RAD23B: variants seen among roughly 807,000 people sequenced by gnomAD.
RAD23B encodes RAD23 nucleotide excision repair protein B.
A neutral mutation model predicts 49.1 loss-of-function variants in RAD23B; 5 were observed. The ratio of observed to expected loss-of-function variants is 0.10; its 90% confidence interval spans 0.05 to 0.21. The LOEUF (loss-of-function observed/expected upper bound fraction) is 0.21. RAD23B is among the 10% of genes least tolerant of loss of function. The probability of loss-of-function intolerance (pLI) is 1.00; values close to 1 mark genes in which losing one functional copy is unlikely to be tolerated. For missense variants in RAD23B, 356 were observed against 486.7 expected, an observed-to-expected ratio of 0.73 and a Z score of 2.53; for synonymous variants, 184 against 165.4, an observed-to-expected ratio of 1.11 and a Z score of -0.86.
rs1341679615 is a variant in RAD23B, at chr9:107,318,351, T to C, written c.554-401T>C. On this transcript the variant is annotated intron_variant, in intron 5 of 9. Transcript: ENST00000358015. This position sits in a 1 kb window ranked among gnomAD's most constrained non-coding sequence, Gnocchi z 4.3. ...TCTTCAAAGGCAACAGCATAACATC[T>C]CTCATCCTGGTTTTGTCTCCTCCTC... is the stretch of plus-strand genomic sequence containing the variant. Among the ~76,000 whole-genome samples the C allele has an allele frequency of 6.6e-6, 1 of 152,122 alleles. No individual in the cohort carries two copies. The highest frequency in any genetic ancestry group is 2.4e-5 in the African/African-American group (1 of 41,424).
Position 107,318,727 on chromosome 9 carries a change from T to C in RAD23B, c.554-25T>C, listed in dbSNP as rs759389090. 2.5e-6 allele frequency: 4 copies of C among 1,592,224 alleles called. No homozygotes were observed. Among genetic ancestry groups the C allele is most frequent in the Admixed American group, 3.5e-5 (2 of 57,872 alleles). On this transcript the variant is annotated intron_variant, in intron 5 of 9. Transcript: ENST00000358015. The surrounding 1 kb of genome is among the most constrained non-coding windows in gnomAD (Gnocchi z 4.3). ...TGCTTATTTATTAAATGTTCCTTTT[T>C]TTCCCCTCCACCCTCCCTTTTTAGT... is the stretch of plus-strand genomic sequence containing the variant.
chr9:107,284,731 C>A, intron 1 of RAD23B: 1 of 1,123,306 alleles, frequency 8.9e-7, no homozygotes, highest in Non-Finnish European at 1.1e-6. Flanking sequence ...TTCTGCCCAA[C>A]TCTATTTTTA....
chr9:107,323,631 G>A (rs902963263), intron 7 of RAD23B, among the ~76,000 whole-genome samples: 1 of 152,094 alleles, frequency 6.6e-6, no homozygotes, highest in African/African-American at 2.4e-5. Flanking sequence ...GAGTGCCAAG[G>A]GCAATTATAG....
chr9:107,306,440 C>G lies in RAD23B; in HGVS notation c.290C>G (p.Thr97Arg). ...TTQQSAPASTTAVTSSTTTTV... is the reference protein window; with the variant it reads ...TTQQSAPASTRAVTSSTTTTV... ...CAGCAGTCAGCTCCTGCCAGCACTACAGCAGTTACTTCCTCCACCACCACA... is the reference window on the plus strand; with the variant it reads ...CAGCAGTCAGCTCCTGCCAGCACTAGAGCAGTTACTTCCTCCACCACCACA... Residue 97 changes from threonine to arginine, a missense_variant, in exon 4 of 10, where the codon ACA becomes AGA. Around this residue, in one of 5 missense-constraint regions of RAD23B, gnomAD observed 137 missense variants for 122.0 expected, o/e 1.12. Transcript: ENST00000358015. 6.2e-7 allele frequency: 1 copy of G among 1,614,226 alleles called. No individual in the cohort carries two copies. Among genetic ancestry groups the G allele is most frequent in the African/African-American group, 1.3e-5 (1 of 75,066 alleles).
chr9:107,291,318 T>C (rs1360554096), intron 1 of RAD23B, among the ~76,000 whole-genome samples: 1 of 152,220 alleles, frequency 6.6e-6, no homozygotes, highest in Non-Finnish European at 1.5e-5. Flanking sequence ...TTTGGTCTTG[T>C]TGAAATCATA....
In RAD23B at chr9:107,331,683, T is replaced by C. The variant is rs1266443903; in HGVS notation, c.*2027T>C. The C allele has an allele frequency of 9.2e-6, 6 of 655,712 alleles. No homozygotes were observed. Among genetic ancestry groups the C allele is most frequent in the Non-Finnish European group, 1.7e-5 (6 of 359,634 alleles). 40.6% of individuals were successfully genotyped at this position (655,712 alleles called of 1,614,324 possible). A position where few individuals can be genotyped will look rare whatever the true frequency, so the allele number is the denominator to read the frequency against. ...TGTCTACTCAGATCATAGTGAAAACTGGAAACAAAAAAAAAAAACAGCCTC... is the reference window on the plus strand; with the variant it reads ...TGTCTACTCAGATCATAGTGAAAACCGGAAACAAAAAAAAAAAACAGCCTC... On this transcript the variant is annotated 3_prime_UTR_variant, in exon 10 of 10. Transcript: ENST00000358015.
At chr9:107,289,072 CTCCCTTCCTCCCTCCTTTCCTCCCTTCT>C (rs1242728763) in intron 1 of RAD23B, among the ~76,000 whole-genome samples, 1 of 19,394 alleles carries the variant, frequency 5.2e-5, no homozygotes, top group Non-Finnish European at 1.1e-4. Flanking sequence ...CCCTTCCTCC[CTCCCTTCCTCCCTCCTTTCCTCCCTTCT>C]TCCCTCCCTC....
rs543097356 is a variant in RAD23B at position 107,310,375 on chromosome 9, A to G, written c.498-1307A>G. Among the ~76,000 whole-genome samples, 8 of 152,360 alleles carry G rather than the reference A, an allele frequency of 5.3e-5. No homozygotes were observed. In the East Asian group the frequency reaches 1.5e-3, roughly 29 times the overall value. ...ACAGGAAAGATTGATGAATTTGACT[A>G]TAGAAAGAATTTAAATGCAGGAAAC... On this transcript the variant is annotated intron_variant, in intron 4 of 9. Coordinates refer to ENST00000358015, the MANE Select transcript of RAD23B (RefSeq NM_002874.5).
chr9:107,301,973 T>G (rs1826663230), intron 2 of RAD23B, 62 bp from the exon 3 acceptor site: 1 of 1,569,860 alleles, frequency 6.4e-7, no homozygotes, highest in Non-Finnish European at 8.6e-7. Context: ...GAAAGTTGTT[T>G]TAACTGAAGT....
At chr9:107,306,058 T>TAGATATATATAG (rs1231348066) in intron 3 of RAD23B, among the ~76,000 whole-genome samples, 5 of 88,604 alleles carry the variant, frequency 5.6e-5, no homozygotes, top group Non-Finnish European at 8.3e-5. Flanking sequence ...TATCTATATA[T>TAGATATATATAG]ATATATATAT....
intron 1 of RAD23B, among the ~76,000 whole-genome samples, chr9:107,292,462 C>T (rs1228797841): frequency 6.6e-6 from 1 of 152,048 alleles, no homozygotes; most frequent in Non-Finnish European, 1.5e-5. Flanking sequence ...GGGCGGATCA[C>T]GAGGTCAGGA....
At chr9:107,287,919 T>G (rs903615840) in intron 1 of RAD23B, among the ~76,000 whole-genome samples, 1 of 152,134 alleles carries the variant, frequency 6.6e-6, no homozygotes, top group African/African-American at 2.4e-5. Context: ...TAGCCATCAT[T>G]TATTAGTGAA....
At chr9:107,284,768 A>G in intron 1 of RAD23B, 5 of 1,098,108 alleles carry the variant, frequency 4.6e-6, no homozygotes, top group Non-Finnish European at 5.7e-6. Flanking sequence ...TTTTGGGTGG[A>G]GATCAGGGGC....
intron 4 of RAD23B, among the ~76,000 whole-genome samples, chr9:107,308,671 T>A (rs1826831441): frequency 6.6e-6 from 1 of 152,242 alleles, no homozygotes; most frequent in Non-Finnish European, 1.5e-5. Flanking sequence ...CACTAGAGTT[T>A]GTTACTTAGT....
chr9:107,311,246 T>G (rs1826881997), intron 4 of RAD23B, among the ~76,000 whole-genome samples: 2 of 152,212 alleles, frequency 1.3e-5, no homozygotes, highest in South Asian at 4.1e-4. Context: ...TAAGACTTCA[T>G]TATGTAAAGA....
intron 4 of RAD23B, 71 bp from the exon 5 acceptor site, chr9:107,311,607 GGATA>G: frequency 1.0e-6 from 1 of 970,996 alleles, no homozygotes; most frequent in Non-Finnish European, 1.5e-6. Context: ...TTTACCAATT[GGATA>G]GTTACTAAAC....
intron 9 of RAD23B, 97 bp from the exon 10 acceptor site, chr9:107,329,446 T>C: frequency 1.4e-6 from 1 of 740,304 alleles, no homozygotes; most frequent in Non-Finnish European, 2.1e-6. Flanking sequence ...AGTAATGATT[T>C]ATCTTTAGTG....
rs117955885 is a variant in RAD23B, at chr9:107,308,568, A to C, written c.497+1921A>C. Among the ~76,000 whole-genome samples the C allele has an allele frequency of 7.2e-4, 109 of 152,300 alleles. 3 individuals are homozygous for C. In the East Asian group the frequency reaches 0.017, roughly 24 times the overall value. On this transcript the variant is annotated intron_variant, in intron 4 of 9. Coordinates refer to ENST00000358015, the MANE Select transcript of RAD23B (RefSeq NM_002874.5). ...CCTGGAGTTGCAGTTTTACTTACCTATTCTAAAAAGAGCCAGGGTTATCTT... is the reference window on the plus strand; with the variant it reads ...CCTGGAGTTGCAGTTTTACTTACCTCTTCTAAAAAGAGCCAGGGTTATCTT...
In RAD23B at chr9:107,318,297, C is replaced by G. The variant is rs2133091374; in HGVS notation, c.554-455C>G. ...AATTTTTTTCCTGATCCTGTCCTAC[C>G]ATACCTTGGCTGGTAGCCCCTTTCT... On this transcript the variant is annotated intron_variant, in intron 5 of 9. Transcript: ENST00000358015. The surrounding 1 kb of genome is among the most constrained non-coding windows in gnomAD (Gnocchi z 4.3). 6.6e-6 allele frequency among the ~76,000 whole-genome samples: 1 copy of G among 152,244 alleles called. No homozygotes were observed. The highest frequency in any genetic ancestry group is 1.9e-4 in the East Asian group (1 of 5,182).
Sources: gnomAD v4.1 joint callset for allele counts (sites outside exome capture counted in the v4.1 genomes callset) on GRCh38, gnomAD v4.1.1 for gene constraint, gnomAD v4.1.1 regional missense constraint, Gnocchi (gnomAD v3.1) non-coding constraint, MANE v1.5 for transcripts, NCBI Gene and HGNC (gene_info 2026-07-23, HGNC 2026-07-21) for gene names.